Variants in CHD1 observed in about 807,000 individuals in gnomAD.
CHD1 encodes the protein ATP-dependent chromatin remodeler CHD1.
A neutral mutation model predicts 224.2 loss-of-function variants in CHD1; 36 were observed. The observed-to-expected ratio is 0.16, with a 90% CI of 0.12 to 0.21. The LOEUF (loss-of-function observed/expected upper bound fraction) is 0.21. CHD1 is among the 10% of genes least tolerant of loss of function. The pLI is 1.00. For missense variants in CHD1, 1,378 were observed against 1,994.8 expected (o/e 0.69, Z 5.89); for synonymous variants, 668 against 658.3 (o/e 1.01, Z -0.23).
At chr5:98,861,999 A>G (rs1748512585) in intron 32 of CHD1, among the ~76,000 whole-genome samples, 1 of 152,132 alleles carries the variant, frequency 6.6e-6, no homozygotes, top group African/African-American at 2.4e-5. Context: ...TCTACAAAAA[A>G]TACAAGAATT....
chr5:98,904,741 G>A (rs1751939868), intron 3 of CHD1, among the ~76,000 whole-genome samples, 156 bp downstream of exon 3: 1 of 152,166 alleles, frequency 6.6e-6, no homozygotes, highest in Non-Finnish European at 1.5e-5. Context: ...TAGTCCACAG[G>A]TGTACCACCA....
At chr5:98,890,154 A>C (rs914811703) in intron 15 of CHD1, among the ~76,000 whole-genome samples, 3 of 152,222 alleles carry the variant, frequency 2.0e-5, no homozygotes, top group Admixed American at 6.5e-5. Context: ...ATATACCTCC[A>C]GTATCTAAAA....
At position 98,858,289 on chromosome 5, in the gene CHD1, G is replaced by A; in HGVS notation, c.4678C>T (p.Arg1560Ter). The A allele has an allele frequency of 6.2e-7, 1 of 1,612,820 alleles. No homozygotes were observed. The highest frequency in any genetic ancestry group is 8.5e-7 in the Non-Finnish European group (1 of 1,178,986). Residue 1560 changes from arginine to a stop codon, truncating the protein, a stop_gained, in exon 35 of 36, where the codon CGA (arginine) becomes TGA (stop). Coordinates refer to ENST00000614616, the MANE Select transcript of CHD1 (RefSeq NM_001270.4). LOFTEE classifies it high-confidence loss of function. ...TTTTTGTAAGAATCTCCCTGATGTC[G>A]GTCTTTATGATGATCATGGTACTGA... is the stretch of plus-strand genomic sequence containing the variant. ...LTQYHDHHKD[R>*]HQGDSYKKSD...
chr5:98,869,451 CA>C, intron 30 of CHD1: 1 of 287,028 alleles, frequency 3.5e-6, no homozygotes, highest in Non-Finnish European at 6.0e-6. Context: ...CAGTCCCATT[CA>C]AGTTCATAAT....
At chr5:98,906,195 A>G (rs1752040909) in intron 2 of CHD1, among the ~76,000 whole-genome samples, 1 of 152,192 alleles carries the variant, frequency 6.6e-6, no homozygotes, top group Non-Finnish European at 1.5e-5. Flanking sequence ...ATAAATGCTT[A>G]AAGTATGAAT....
Position 98,859,297 on chromosome 5 carries a change from A to G in CHD1, c.4525-282T>C, listed in dbSNP as rs147214481. 2.5e-3 allele frequency among the ~76,000 whole-genome samples: 385 copies of G among 152,258 alleles called. 2 individuals carry two copies. Among genetic ancestry groups the G allele is most frequent in the African/African-American group, 8.7e-3 (360 of 41,576 alleles). ...CTTCATCTAGCTTCTCCTAATGTTA[A>G]TATCTTATACAAACATAGTATAATG... On this transcript the variant is annotated intron_variant, in intron 33 of 35. Transcript: ENST00000614616.
intron 10 of CHD1, among the ~76,000 whole-genome samples, chr5:98,897,910 G>T (rs1298993041): frequency 1.3e-5 from 2 of 151,942 alleles, no homozygotes; most frequent in Admixed American, 1.3e-4. Flanking sequence ...GTTTCCAAGG[G>T]TTTTTTTCTG....
intron 1 of CHD1, among the ~76,000 whole-genome samples, chr5:98,928,249 G>A (rs946267933): frequency 4.6e-5 from 7 of 152,000 alleles, no homozygotes; most frequent in African/African-American, 7.2e-5. Context: ...CCGGCTAAGT[G>A]CTAGCCATTC....
chr5:98,888,205 A>G lies in CHD1; in HGVS notation c.2379T>C (p.Leu793=). 1.2e-6 allele frequency: 2 copies of G among 1,610,270 alleles called. No homozygotes were observed. The highest frequency in any genetic ancestry group is 1.7e-6 in the Non-Finnish European group (2 of 1,178,300). The change falls in exon 17 of 36, where the codon CTT becomes CTC. Residue 793 remains leucine, a synonymous_variant. Transcript: ENST00000614616. The part of the protein sequence containing the change: ...LIRSSGKLIL[L]DKLLIRLRER... ...CTCTTAGGCGAATTAATAGCTTGTC[A>G]AGAAGAATCAATTTTCCGCTACTAC...
chr5:98,907,345 T>C (rs1392415504), intron 2 of CHD1, among the ~76,000 whole-genome samples: 2 of 152,046 alleles, frequency 1.3e-5, no homozygotes, highest in African/African-American at 4.8e-5. Flanking sequence ...TCCCAGCACT[T>C]TGGAAGGCAG....
At position 98,913,501 on chromosome 5, in the gene CHD1, A is replaced by G. The variant is rs538623845; in HGVS notation, c.54-8403T>C. 6.6e-5 allele frequency among the ~76,000 whole-genome samples: 10 copies of G among 152,278 alleles called. No homozygotes were observed. In the East Asian group the frequency reaches 1.9e-3, roughly 29 times the overall value. The stretch of plus-strand genomic sequence containing the variant: ...AAAAAAGGGGAGGCAGCCTTCTTTT[A>G]GGGAATTCTTGAAAGAATTTTTGGA... On this transcript the variant is annotated intron_variant, in intron 2 of 35. Coordinates refer to ENST00000614616, the MANE Select transcript of CHD1 (RefSeq NM_001270.4).
chr5:98,896,147 C>T (rs968798225), intron 12 of CHD1, 79 bp downstream of exon 12: 1 of 1,212,542 alleles, frequency 8.2e-7, no homozygotes, highest in Non-Finnish European at 1.2e-6. Flanking sequence ...AGAGTGAAAC[C>T]CCATCTCAAA....
chr5:98,869,860 G>A lies in CHD1; in HGVS notation c.4001C>T (p.Ala1334Val). Reference sequence around the variant, plus strand: ...CATTGCTTTATTCTTCTTAGCTCTTGCTTTTCTCCTCTTTGAACTTCCCTA... The same window carrying A: ...CATTGCTTTATTCTTCTTAGCTCTTACTTTTCTCCTCTTTGAACTTCCCTA... ...SGAGSSKRRK[A>V]RAKKNKAMKS... is the part of the protein sequence containing the mutation. The change falls in exon 30 of 36, where the codon GCA becomes GTA. Residue 1334 changes from alanine to valine, a missense_variant. Ala to Val is a moderately conservative substitution (Grantham distance 64). This residue lies in a region of CHD1 where 105 missense variants were observed against 93.4 expected (regional missense o/e 1.12). Coordinates refer to ENST00000614616, the MANE Select transcript of CHD1 (RefSeq NM_001270.4). 1 of 1,603,518 alleles carries A rather than the reference G, an allele frequency of 6.2e-7. No individual in the cohort carries two copies.
intron 2 of CHD1, among the ~76,000 whole-genome samples, chr5:98,911,773 T>G (rs1212673666): frequency 2.6e-5 from 4 of 152,114 alleles, no homozygotes; most frequent in Non-Finnish European, 2.9e-5. Context: ...AGAAATATAT[T>G]CTATAAAATA....
At chr5:98,860,284 T>C (rs1291533596) in intron 32 of CHD1, 1 of 504,966 alleles carries the variant, frequency 2.0e-6, no homozygotes, top group South Asian at 1.7e-5. Flanking sequence ...TTACTTCTCT[T>C]CCAAATCGCT....
At chr5:98,917,344 G>A (rs1029392655) in intron 2 of CHD1, among the ~76,000 whole-genome samples, 1 of 140,414 alleles carries the variant, frequency 7.1e-6, no homozygotes, top group African/African-American at 2.8e-5. Context: ...CTTGATACTT[G>A]TCCTTATGAT....
chr5:98,893,776 C>G (rs1751172573), intron 13 of CHD1, among the ~76,000 whole-genome samples, 170 bp from the exon 14 acceptor site: 1 of 152,084 alleles, frequency 6.6e-6, no homozygotes, highest in Non-Finnish European at 1.5e-5. Flanking sequence ...AGTAACTCAG[C>G]ACATATTCCT....
chr5:98,906,088 T>C (rs1190012387), intron 2 of CHD1, among the ~76,000 whole-genome samples: 2 of 150,876 alleles, frequency 1.3e-5, no homozygotes, highest in East Asian at 1.9e-4. Flanking sequence ...GACAACACAG[T>C]AATTCTCTTT....
At chr5:98,869,958 G>C (rs1320243904) in intron 29 of CHD1, 76 bp from the exon 30 acceptor site, 1 of 1,098,260 alleles carries the variant, frequency 9.1e-7, no homozygotes, top group Non-Finnish European at 1.3e-6. Context: ...TAAATCCAAG[G>C]GCTAGAACAC....
Sources: gnomAD v4.1 joint callset for allele counts (sites outside exome capture counted in the v4.1 genomes callset) on GRCh38, gnomAD v4.1.1 for gene constraint, gnomAD v4.1.1 regional missense constraint, MANE v1.5 for transcripts, NCBI Gene and HGNC (gene_info 2026-07-23, HGNC 2026-07-21) for gene names.